VTI1A: variants seen among roughly 807,000 people sequenced by gnomAD.
VTI1A encodes vesicle transport through interaction with t-SNAREs homolog 1A.
In VTI1A, 22 loss-of-function variants were observed where a neutral mutation model predicts 34.9. That is an observed-to-expected ratio of 0.63 (90% CI 0.45 to 0.90). The LOEUF (loss-of-function observed/expected upper bound fraction) is 0.90, where lower values mean the gene tolerates loss of function less well. VTI1A is among the 40% of genes least tolerant of loss of function. VTI1A has a pLI of 0.00. For missense variants in VTI1A, 268 were observed against 275.6 expected (o/e 0.97, Z 0.20); for synonymous variants, 87 against 97.3 (o/e 0.89, Z 0.62).
At chr10:112,556,735 A>T (rs1236728095) in intron 5 of VTI1A, among the ~76,000 whole-genome samples, 2 of 152,006 alleles carry the variant, frequency 1.3e-5, no homozygotes, top group African/African-American at 4.8e-5. Context: ...TTGTAAAAGA[A>T]AATTTTTTTT....
intron 5 of VTI1A, among the ~76,000 whole-genome samples, chr10:112,544,442 C>T (rs547701612): frequency 1.4e-4 from 22 of 152,226 alleles, no homozygotes; most frequent in Middle Eastern, 3.4e-3. Context: ...GTTAAGTTAT[C>T]CACCCACCTT....
At chr10:112,714,840 A>T (rs1029216510) in intron 7 of VTI1A, among the ~76,000 whole-genome samples, 1 of 152,250 alleles carries the variant, frequency 6.6e-6, no homozygotes, top group Non-Finnish European at 1.5e-5. Context: ...TCAAGTAAGT[A>T]AAAAACTGGC....
At chr10:112,711,804 G>A (rs1456996443) in intron 7 of VTI1A, among the ~76,000 whole-genome samples, 1 of 152,162 alleles carries the variant, frequency 6.6e-6, no homozygotes, top group Non-Finnish European at 1.5e-5. Context: ...TAACCAGATC[G>A]ACGCTACAGT....
intron 3 of VTI1A, among the ~76,000 whole-genome samples, chr10:112,510,504 C>A (rs1488214922): frequency 1.3e-5 from 2 of 152,028 alleles, no homozygotes; most frequent in African/African-American, 2.4e-5. Context: ...ATTGTAGCAG[C>A]ATGCACCTGT....
At chr10:112,712,498 A>ACACG (rs1228794389) in intron 7 of VTI1A, among the ~76,000 whole-genome samples, 1 of 151,622 alleles carries the variant, frequency 6.6e-6, no homozygotes, top group African/African-American at 2.4e-5. Flanking sequence ...ACACACACAC[A>ACACG]CACACACACA....
chr10:112,538,246 A>G lies in VTI1A; in HGVS notation c.343A>G (p.Arg115Gly). Reference protein sequence around the residue: ...GDDGNSSENQRAHLLDNTERL... With the variant: ...GDDGNSSENQGAHLLDNTERL... ...TTTTTTCCCCCTTTTTCTTTTTCAG[A>G]GGGCACATCTGCTCGATAACACAGA... The change falls in exon 5 of 8, where the codon AGG becomes GGG. Residue 115 changes from arginine to glycine, a missense_variant and splice_region_variant. Physicochemically the swap from Arg to Gly is moderately radical, Grantham distance 125 (BLOSUM62 -2). Coordinates refer to ENST00000393077, the MANE Select transcript of VTI1A (RefSeq NM_145206.4). 1 of 1,609,540 alleles carries G rather than the reference A, an allele frequency of 6.2e-7. No individual in the cohort carries two copies. The highest frequency in any genetic ancestry group is 8.5e-7 in the Non-Finnish European group (1 of 1,178,524).
chr10:112,498,855 C>T (rs906289939), intron 3 of VTI1A, among the ~76,000 whole-genome samples: 12 of 152,054 alleles, frequency 7.9e-5, no homozygotes. Flanking sequence ...TTCAGGTAGC[C>T]TGTCACTTTA....
At chr10:112,815,136 C>T (rs779739460) in intron 7 of VTI1A, among the ~76,000 whole-genome samples, 154 bp from the exon 8 acceptor site, 3 of 101,054 alleles carry the variant, frequency 3.0e-5, no homozygotes, top group African/African-American at 4.3e-5. Context: ...CTCTTTCGCG[C>T]GCGCACACAC....
At position 112,527,137 on chromosome 10, in the gene VTI1A, G is replaced by GGAT; in HGVS notation, c.320_322dup (p.Asp107dup). On this transcript the variant is annotated inframe_insertion, in exon 4 of 8. Coordinates refer to ENST00000393077, the MANE Select transcript of VTI1A (RefSeq NM_145206.4). ...ACGAAGTACGGAATGAGCTCCTGGGGGATGATGGGAATTCCTCAGAGAACC... is the reference window on the plus strand; with the variant it reads ...ACGAAGTACGGAATGAGCTCCTGGGGGATGATGATGGGAATTCCTCAGAGAACC... 1 of 1,613,436 alleles carries GGAT rather than the reference G, an allele frequency of 6.2e-7. No individual in the cohort carries two copies. Among genetic ancestry groups the GGAT allele is most frequent in the Non-Finnish European group, 8.5e-7 (1 of 1,179,642 alleles).
At chr10:112,749,050 T>C (rs1186461030) in intron 7 of VTI1A, among the ~76,000 whole-genome samples, 1 of 152,226 alleles carries the variant, frequency 6.6e-6, no homozygotes, top group African/African-American at 2.4e-5. Flanking sequence ...CCAATCTTCG[T>C]TGTCAAATAA....
rs1360399455 is a variant in VTI1A, at chr10:112,712,529, T to C, written c.560+43531T>C. ...ACACACACATTAAATGATATAAATC[T>C]AGTTAAACGTTTACTCCAGAGGGGG... On this transcript the variant is annotated intron_variant, in intron 7 of 7. Transcript: ENST00000393077. Among the ~76,000 whole-genome samples the C allele has an allele frequency of 2.0e-5, 3 of 150,270 alleles. No individual in the cohort carries two copies. In the East Asian group the frequency reaches 5.9e-4, roughly 29 times the overall value.
chr10:112,730,555 A>G (rs1850213555), intron 7 of VTI1A, among the ~76,000 whole-genome samples: 1 of 151,320 alleles, frequency 6.6e-6, no homozygotes, highest in Non-Finnish European at 1.5e-5. Flanking sequence ...CCTATGTATT[A>G]CAACATCTAC....
rs138424759 is a variant in VTI1A, at chr10:112,497,627, T to C, written c.265-29460T>C. On this transcript the variant is annotated intron_variant, in intron 3 of 7. Transcript: ENST00000393077. ...TTAGGTTTGTTTTTAACTAACTTGCTGAATTTCAGAGTAAAATATAATCTA... is the reference window on the plus strand; with the variant it reads ...TTAGGTTTGTTTTTAACTAACTTGCCGAATTTCAGAGTAAAATATAATCTA... Among the ~76,000 whole-genome samples the C allele has an allele frequency of 2.5e-4, 38 of 152,344 alleles. No homozygotes were observed. The East Asian group carries it at 7.1e-3, about 29-fold the overall frequency.
intron 5 of VTI1A, among the ~76,000 whole-genome samples, chr10:112,621,868 G>A (rs1173178833): frequency 6.6e-6 from 1 of 152,086 alleles, no homozygotes; most frequent in South Asian, 2.1e-4. Flanking sequence ...CATTTTCCAC[G>A]CTATACGCTC....
At chr10:112,505,609 A>C (rs1849402451) in intron 3 of VTI1A, among the ~76,000 whole-genome samples, 1 of 151,822 alleles carries the variant, frequency 6.6e-6, no homozygotes, top group Non-Finnish European at 1.5e-5. Flanking sequence ...CTGTGCGTAA[A>C]CTATGTTATA....
chr10:112,709,592 A>T (rs1033852262), intron 7 of VTI1A, among the ~76,000 whole-genome samples: 2 of 148,480 alleles, frequency 1.3e-5, no homozygotes, highest in Admixed American at 6.8e-5. Flanking sequence ...AATCCTGCCC[A>T]TCTTTCAGTT....
intron 3 of VTI1A, among the ~76,000 whole-genome samples, chr10:112,497,782 T>C (rs1849080097): frequency 6.6e-6 from 1 of 152,204 alleles, no homozygotes; most frequent in Non-Finnish European, 1.5e-5. Flanking sequence ...CACCTTACTT[T>C]ACCGTTATTG....
intron 7 of VTI1A, among the ~76,000 whole-genome samples, chr10:112,751,586 T>C (rs1851109578): frequency 6.7e-6 from 1 of 149,692 alleles, no homozygotes; most frequent in African/African-American, 2.4e-5. Flanking sequence ...TAAAATATCA[T>C]CCATTTCTTC....
intron 7 of VTI1A, among the ~76,000 whole-genome samples, chr10:112,758,894 G>A (rs142348374): frequency 5.5e-4 from 83 of 152,252 alleles, no homozygotes; most frequent in African/African-American, 1.1e-3. Flanking sequence ...GAAACCAGCC[G>A]GGGCAACATG....
Sources: allele counts gnomAD v4.1 joint callset (sites outside exome capture counted in the v4.1 genomes callset), GRCh38; gene constraint gnomAD v4.1.1; transcripts MANE v1.5; gene names NCBI Gene and HGNC (gene_info 2026-07-23, HGNC 2026-07-21).